MALRD1: variants seen among roughly 807,000 people sequenced by gnomAD.
MALRD1 encodes MAM and LDL-receptor class A domain-containing protein 1.
A neutral mutation model predicts 242.1 loss-of-function variants in MALRD1; 247 were observed. That is an observed-to-expected ratio of 1.02 (90% CI 0.92 to 1.13). The LOEUF is 1.13. MALRD1 is among the 50% of genes most tolerant of loss of function. The pLI is 0.00. For missense variants in MALRD1, 2,989 were observed against 2,533.1 expected (o/e 1.18, Z -3.86); for synonymous variants, 995 against 866.6 (o/e 1.15, Z -2.60).
chr10:19,231,442 T>A (rs1838062980), intron 18 of MALRD1, among the ~76,000 whole-genome samples: 1 of 152,210 alleles, frequency 6.6e-6, no homozygotes, highest in Non-Finnish European at 1.5e-5. Context: ...TAGCCATTGA[T>A]GTGATTCGGC....
chr10:19,602,530 A>AT (rs1158620700), intron 34 of MALRD1, among the ~76,000 whole-genome samples: 1 of 151,488 alleles, frequency 6.6e-6, no homozygotes, highest in Non-Finnish European at 1.5e-5. Context: ...TGAACTCATC[A>AT]TTTTTTACGG....
At chr10:19,416,112 GT>G (rs1165945947) in intron 28 of MALRD1, among the ~76,000 whole-genome samples, 1 of 152,176 alleles carries the variant, frequency 6.6e-6, no homozygotes, top group Non-Finnish European at 1.5e-5. Context: ...TATCATGGAT[GT>G]AGTTTGTGTT....
chr10:19,513,085 T>G (rs1171291384), intron 31 of MALRD1, among the ~76,000 whole-genome samples: 1 of 152,162 alleles, frequency 6.6e-6, no homozygotes, highest in Non-Finnish European at 1.5e-5. Context: ...AAATTGCATA[T>G]ATGATATGGT....
chr10:19,073,078 C>G (rs1252482617), intron 2 of MALRD1, among the ~76,000 whole-genome samples: 1 of 151,886 alleles, frequency 6.6e-6, no homozygotes, highest in Non-Finnish European at 1.5e-5. Flanking sequence ...CCATGCCCGG[C>G]TAATCCTTAT....
chr10:19,245,452 A>C (rs1391090551), intron 18 of MALRD1, among the ~76,000 whole-genome samples: 1 of 152,178 alleles, frequency 6.6e-6, no homozygotes, highest in African/African-American at 2.4e-5. Context: ...TTCTCTCCAC[A>C]TTGCATGGTT....
intron 35 of MALRD1, among the ~76,000 whole-genome samples, chr10:19,611,126 A>G (rs962590196): frequency 6.6e-6 from 1 of 151,980 alleles, no homozygotes; most frequent in Non-Finnish European, 1.5e-5. Context: ...AAAAATTCTA[A>G]CAAATTTAAT....
chr10:19,650,408 G>A (rs185579480), intron 36 of MALRD1, among the ~76,000 whole-genome samples: 37 of 152,104 alleles, frequency 2.4e-4, no homozygotes, highest in Non-Finnish European at 3.8e-4. Flanking sequence ...AAATGGAAAC[G>A]TGCATCTATA....
At chr10:19,292,615 G>A (rs934654824) in intron 21 of MALRD1, among the ~76,000 whole-genome samples, 8 of 152,060 alleles carry the variant, frequency 5.3e-5, no homozygotes, top group African/African-American at 1.7e-4. Context: ...AATGCAGGCC[G>A]GGCGGGGTGG....
At chr10:19,703,854 C>G (rs966290699) in intron 38 of MALRD1, among the ~76,000 whole-genome samples, 15 of 152,100 alleles carry the variant, frequency 9.9e-5, no homozygotes, top group African/African-American at 3.6e-4. Context: ...GAGATTGTGC[C>G]ACTGCACTCC....
intron 21 of MALRD1, among the ~76,000 whole-genome samples, chr10:19,317,012 A>C (rs886502011): frequency 6.6e-6 from 1 of 151,314 alleles, no homozygotes; most frequent in African/African-American, 2.4e-5. Flanking sequence ...GTACCAAAAT[A>C]TCTCATGTGC....
chr10:19,615,975 C>G (rs889709574), intron 36 of MALRD1, 52 bp downstream of exon 36: 1 of 1,339,938 alleles, frequency 7.5e-7, no homozygotes, highest in Non-Finnish European at 1.0e-6. Context: ...AGTTGGCTTA[C>G]TTATTTTTCT....
At chr10:19,343,366 A>G (rs1843968650) in intron 24 of MALRD1, among the ~76,000 whole-genome samples, 1 of 152,082 alleles carries the variant, frequency 6.6e-6, no homozygotes, top group South Asian at 2.1e-4. Context: ...CCCAGAAACT[A>G]ATATTGTCTC....
At chr10:19,057,380 A>G (rs1276095405) in intron 1 of MALRD1, among the ~76,000 whole-genome samples, 1 of 152,076 alleles carries the variant, frequency 6.6e-6, no homozygotes, top group African/African-American at 2.4e-5. Context: ...CTCACATAGC[A>G]CAGAGACAGA....
At chr10:19,101,750 T>C (rs1402408022) in intron 4 of MALRD1, among the ~76,000 whole-genome samples, 2 of 136,168 alleles carry the variant, frequency 1.5e-5, no homozygotes, top group Non-Finnish European at 3.1e-5. Flanking sequence ...ACATATATAA[T>C]ATATATTATA....
Position 19,054,580 on chromosome 10 carries a change from C to T in MALRD1, c.199+5443C>T, listed in dbSNP as rs189118520. 2.8e-3 allele frequency among the ~76,000 whole-genome samples: 434 copies of T among 152,284 alleles called. 1 individual carries two copies. The highest frequency in any genetic ancestry group is 4.4e-3 in the Non-Finnish European group (297 of 68,028). On this transcript the variant is annotated intron_variant, in intron 1 of 39. Coordinates refer to ENST00000454679, the MANE Select transcript of MALRD1 (RefSeq NM_001142308.3). ...ATTATTGCCGCCTATACCCCAGTGT[C>T]TGGTAATCATCATTTCATTTTCTGC...
rs569931234 is a variant in MALRD1, at chr10:19,214,111, C to T, written c.2991+4431C>T. Among the ~76,000 whole-genome samples the T allele has an allele frequency of 4.3e-4, 65 of 152,258 alleles. 1 individual carries two copies. The highest frequency in any genetic ancestry group is 1.5e-3 in the African/African-American group (64 of 41,534). On this transcript the variant is annotated intron_variant, in intron 18 of 39. Transcript: ENST00000454679. ...TACTTAGCTATGTACTTTAGGGGGA[C>T]CCTTTGCAGAGCTCTGGAGTTCTCT...
intron 34 of MALRD1, among the ~76,000 whole-genome samples, chr10:19,605,485 C>CTTTTTTTTTTT (rs369007691): frequency 7.8e-6 from 1 of 128,492 alleles, no homozygotes; most frequent in Non-Finnish European, 1.6e-5. Context: ...GTTTTTCTTT[C>CTTTTTTTTTTT]TTTTTTTTTT....
At chr10:19,099,147 T>A (rs960924118) in intron 4 of MALRD1, among the ~76,000 whole-genome samples, 2 of 152,182 alleles carry the variant, frequency 1.3e-5, no homozygotes, top group African/African-American at 4.8e-5. Context: ...GTAGCCTTTT[T>A]TTATTGGCAC....
At position 19,098,117 on chromosome 10, in the gene MALRD1, G is replaced by T. The variant is rs142555921; in HGVS notation, c.598-5862G>T. On this transcript the variant is annotated intron_variant, in intron 4 of 39. Transcript: ENST00000454679. Reference sequence around the variant, plus strand: ...GGGGTCTGGATCGGGACTTCTTTTCGGTAACACTTTCACTCCTTTTTGTTG... The same window carrying T: ...GGGGTCTGGATCGGGACTTCTTTTCTGTAACACTTTCACTCCTTTTTGTTG... Among the ~76,000 whole-genome samples the T allele has an allele frequency of 1.6e-4, 24 of 152,128 alleles. No homozygotes were observed. In the South Asian group the frequency reaches 2.5e-3, roughly 16 times the overall value.
Sources: allele counts gnomAD v4.1 joint callset (sites outside exome capture counted in the v4.1 genomes callset), GRCh38; gene constraint gnomAD v4.1.1; transcripts MANE v1.5; gene names NCBI Gene and HGNC (gene_info 2026-07-23, HGNC 2026-07-21).